The following GDF3 variants were observed in gnomAD, a reference collection of about 807,000 sequenced individuals.
GDF3 encodes growth/differentiation factor 3.
A neutral mutation model predicts 10.2 loss-of-function variants in GDF3; 10 were observed. The ratio of observed to expected loss-of-function variants is 0.98; its 90% CI spans 0.60 to 1.66. The LOEUF (loss-of-function observed/expected upper bound fraction) is 1.66, where lower values mean the gene tolerates loss of function less well. Ranked by LOEUF, GDF3 falls within the 40% of genes most tolerant of loss-of-function variation. GDF3 has a pLI of 0.00. For synonymous variants in GDF3, 166 were observed against 178.5 expected (o/e 0.93, Z 0.56); for missense variants, 450 against 438.3 (o/e 1.03, Z -0.24).
At chr12:7,691,890 C>T (rs1309992939) in intron 1 of GDF3, among the ~76,000 whole-genome samples, 1 of 151,912 alleles carries the variant, frequency 6.6e-6, no homozygotes, top group Non-Finnish European at 1.5e-5. Context: ...GCCTGTAGTT[C>T]CAGCTACTCA....
chr12:7,695,081 C>T (rs888546680), intron 1 of GDF3, among the ~76,000 whole-genome samples: 5 of 152,132 alleles, frequency 3.3e-5, no homozygotes, highest in Non-Finnish European at 4.4e-5. Context: ...ACATGGAAGA[C>T]GGCAGGATGT....
At chr12:7,693,687 C>G (rs1864154918) in intron 1 of GDF3, among the ~76,000 whole-genome samples, 1 of 151,842 alleles carries the variant, frequency 6.6e-6, no homozygotes, top group African/African-American at 2.4e-5. Context: ...TGGCTCATGC[C>G]TATAATCCCA....
At chr12:7,694,259 G>A (rs1040058894) in intron 1 of GDF3, among the ~76,000 whole-genome samples, 4 of 151,928 alleles carry the variant, frequency 2.6e-5, no homozygotes, top group Admixed American at 1.3e-4. Flanking sequence ...GACTCAATAC[G>A]CATTTTTAAA....
chr12:7,690,809 G>C (rs1565449042), intron 1 of GDF3, 105 bp from the exon 2 acceptor site: 1 of 721,624 alleles, frequency 1.4e-6, no homozygotes, highest in Non-Finnish European at 2.4e-6. Flanking sequence ...TAAGGGCAGG[G>C]AAAGACACAA....
intron 1 of GDF3, among the ~76,000 whole-genome samples, chr12:7,693,796 C>G (rs967744682): frequency 6.6e-6 from 1 of 151,678 alleles, no homozygotes; most frequent in Admixed American, 6.6e-5. Context: ...CAAAAATCAG[C>G]CTGGCGTGGT....
chr12:7,690,552 G>C lies in GDF3; in HGVS notation c.421C>G (p.Pro141Ala). 1 of 1,608,354 alleles carries C rather than the reference G, an allele frequency of 6.2e-7. No individual in the cohort carries two copies. Residue 141 changes from proline (P) to alanine (A), a missense_variant, in exon 2 of 2, where the codon CCA becomes GCA. Physicochemically the swap from Pro to Ala is conservative, Grantham distance 27. Transcript: ENST00000329913. The part of the protein sequence containing the change: ...LGPNSYYNLG[P>A]ELELALFLVQ... ...AGGAACAGAGCCAGTTCCAGCTCTG[G>C]TCCCAGGTTATAGTAAGAATTGGGC...
chr12:7,690,574 G>A lies in GDF3; in HGVS notation c.399C>T (p.Pro133=). 6.2e-7 allele frequency: 1 copy of A among 1,605,574 alleles called. No individual in the cohort carries two copies. The highest frequency in any genetic ancestry group is 2.2e-5 in the East Asian group (1 of 44,778). ...CTGGTCCCAGGTTATAGTAAGAATT[G>A]GGCCCCAAGTCCAGGCCCAGCTGGG... ...TLAQLGLDLG[P]NSYYNLGPEL... is the part of the protein sequence containing the mutation. The change falls in exon 2 of 2, where the codon CCC becomes CCT. Residue 133 remains proline (P), a synonymous_variant. Transcript: ENST00000329913.
rs779215354 is a variant in GDF3 at position 7,690,927 on chromosome 12, G to A, written c.269-223C>T. The stretch of plus-strand genomic sequence containing the variant: ...AGCACTTTGGGAGGCCGAGGCGGGC[G>A]GATCACGAGGTCAGGAGATCGAGAC... On this transcript the variant is annotated intron_variant, in intron 1 of 1. Transcript: ENST00000329913. Among the ~76,000 whole-genome samples the A allele has an allele frequency of 6.6e-5, 10 of 152,030 alleles. No individual in the cohort carries two copies. In the East Asian group the frequency reaches 9.7e-4, roughly 15 times the overall value.
At position 7,689,950 on chromosome 12, in the gene GDF3, G is replaced by T. The variant is rs2136874502; in HGVS notation, c.1023C>A (p.Tyr341Ter). 6.2e-7 allele frequency: 1 copy of T among 1,613,882 alleles called. No individual in the cohort carries two copies. Among genetic ancestry groups the T allele is most frequent in the Non-Finnish European group, 8.5e-7 (1 of 1,179,818 alleles). ...PTKLSPISML[Y>*]QDNNDNVILR... ...GAATGACATTGTCATTATTGTCCTG[G>T]TAGAGCATGGAAATGGGAGACAGCT... Residue 341 changes from tyrosine to a stop codon, truncating the protein, a stop_gained, in exon 2 of 2, where the codon TAC (tyrosine) becomes TAA (stop). Coordinates refer to ENST00000329913, the MANE Select transcript of GDF3 (RefSeq NM_020634.3). LOFTEE classifies it high-confidence loss of function.
At chr12:7,692,031 T>A (rs1393257635) in intron 1 of GDF3, among the ~76,000 whole-genome samples, 1 of 151,586 alleles carries the variant, frequency 6.6e-6, no homozygotes. Flanking sequence ...AAATAAAAAA[T>A]AAAAAAAGTT....
At chr12:7,692,584 A>T (rs777697197) in intron 1 of GDF3, among the ~76,000 whole-genome samples, 1 of 148,226 alleles carries the variant, frequency 6.7e-6, no homozygotes. Flanking sequence ...ATCTCAGCTC[A>T]CTGCAACCTC....
rs756777733 is a variant in GDF3 at position 7,695,626 on chromosome 12, A to G, written c.103T>C (p.Leu35=). The part of the protein sequence containing the change: ...QEYVFLQFLG[L]DKAPSPQKFQ... ...TTCTGGGGTGAAGGCGCCTTATCTAAGCCCAGAAATTGGAGAAAGACATAT... is the reference window on the plus strand; with the variant it reads ...TTCTGGGGTGAAGGCGCCTTATCTAGGCCCAGAAATTGGAGAAAGACATAT... The change falls in exon 1 of 2, where the codon TTA becomes CTA. Residue 35 remains leucine, a synonymous_variant. Coordinates refer to ENST00000329913, the MANE Select transcript of GDF3 (RefSeq NM_020634.3). The G allele has an allele frequency of 7.4e-6, 12 of 1,614,198 alleles. No homozygotes were observed. In the East Asian group the frequency reaches 2.7e-4, roughly 36 times the overall value.
Position 7,695,745 on chromosome 12 carries a change from G to C in GDF3, c.-17C>G. 6.2e-7 allele frequency: 1 copy of C among 1,613,856 alleles called. No individual in the cohort carries two copies. Among genetic ancestry groups the C allele is most frequent in the African/African-American group, 1.3e-5 (1 of 75,040 alleles). On this transcript the variant is annotated 5_prime_UTR_variant, in exon 1 of 2. Transcript: ENST00000329913. ...ACGAAGCATGGCCTCTGGAGTGGCT[G>C]TCAGACCGGGGAGAGCTCCACTGCC...
rs2136875419 is a variant in GDF3 at position 7,690,610 on chromosome 12, C to T, written c.363G>A (p.Gln121=). ...FNLSAIKERE[Q]LTLAQLGLDL... is the part of the protein sequence containing the mutation. ...CCAGGCCCAGCTGGGCCAATGTCAA[C>T]TGTTCCCTTTCTTTGATGGCAGACA... Residue 121 remains glutamine, a synonymous_variant, in exon 2 of 2, where the codon CAG becomes CAA. Transcript: ENST00000329913. 1.2e-6 allele frequency: 2 copies of T among 1,608,486 alleles called. No individual in the cohort carries two copies. The highest frequency in any genetic ancestry group is 4.5e-5 in the East Asian group (2 of 44,846).
chr12:7,690,042 C>A lies in GDF3; in HGVS notation c.931G>T (p.Ala311Ser), dbSNP rs960039065. 2.5e-6 allele frequency: 4 copies of A among 1,614,118 alleles called. No individual in the cohort carries two copies. The highest frequency in any genetic ancestry group is 3.3e-4 in the Middle Eastern group (2 of 6,062). Residue 311 changes from alanine (A) to serine (S), a missense_variant, in exon 2 of 2, where the codon GCT becomes TCT. Coordinates refer to ENST00000329913, the MANE Select transcript of GDF3 (RefSeq NM_020634.3). ...LTISLNSSNY[A>S]FMQALMHAVD... is the part of the protein sequence containing the mutation. ...GCATGCATCAGGGCTTGCATGAAAG[C>A]ATAATTGGAGCTGTTGAGAGAGATG...
chr12:7,692,663 C>T (rs780932647), intron 1 of GDF3, among the ~76,000 whole-genome samples: 4 of 151,998 alleles, frequency 2.6e-5, no homozygotes, highest in African/African-American at 7.2e-5. Flanking sequence ...GTGCACACCA[C>T]GTCTGGCTAA....
chr12:7,692,652 G>T (rs1337312254), intron 1 of GDF3, among the ~76,000 whole-genome samples: 1 of 151,816 alleles, frequency 6.6e-6, no homozygotes, highest in Admixed American at 6.6e-5. Flanking sequence ...TGGGATTACA[G>T]GTGCACACCA....
intron 1 of GDF3, 42 bp from the exon 2 acceptor site, chr12:7,690,746 T>A: frequency 1.7e-5 from 18 of 1,066,546 alleles, no homozygotes; most frequent in Non-Finnish European, 2.3e-5. Flanking sequence ...AATGATGTAT[T>A]TACTTCATAT....
At chr12:7,691,963 C>T (rs376188653) in intron 1 of GDF3, among the ~76,000 whole-genome samples, 5 of 151,258 alleles carry the variant, frequency 3.3e-5, no homozygotes, top group South Asian at 2.1e-4. Flanking sequence ...GCCAAGATCA[C>T]GCCACTGCAC....
Sources: allele counts gnomAD v4.1 joint callset (sites outside exome capture counted in the v4.1 genomes callset), GRCh38; gene constraint gnomAD v4.1.1; transcripts MANE v1.5; gene names NCBI Gene and HGNC (gene_info 2026-07-23, HGNC 2026-07-21).